ASH1L: variants seen among roughly 807,000 people sequenced by gnomAD.
ASH1L encodes histone-lysine N-methyltransferase ASH1L.
Under a neutral mutation model 269.0 loss-of-function variants are expected in ASH1L, and 23 were observed. The observed-to-expected ratio is 0.09, with a 90% CI of 0.06 to 0.12. The LOEUF (loss-of-function observed/expected upper bound fraction) is 0.12. Ranked by LOEUF, ASH1L falls within the 10% of genes least tolerant of loss-of-function variation. ASH1L has a pLI of 1.00. For synonymous variants in ASH1L, 1,187 were observed against 1,253.5 expected, an observed-to-expected ratio of 0.95 and a Z score of 1.12; for missense variants, 2,912 against 3,567.8, an observed-to-expected ratio of 0.82 and a Z score of 4.68.
Position 155,358,482 on chromosome 1 carries a change from G to A in ASH1L, c.6796-733C>T, listed in dbSNP as rs182497153. ...GGGCGGATCACAAGGTCAGCAGATCGAGACCATCCTGGCTAACATGGTAAA... is the reference window on the plus strand; with the variant it reads ...GGGCGGATCACAAGGTCAGCAGATCAAGACCATCCTGGCTAACATGGTAAA... On this transcript the variant is annotated intron_variant, in intron 13 of 27. Transcript: ENST00000392403. 1.6e-4 allele frequency among the ~76,000 whole-genome samples: 24 copies of A among 151,932 alleles called. No homozygotes were observed. In the East Asian group the frequency reaches 4.5e-3, roughly 28 times the overall value.
rs374652065 is a variant in ASH1L at position 155,478,883 on chromosome 1, T to C, written c.3987A>G (p.Thr1329=). The part of the protein sequence containing the change: ...IFRINFNSFY[T]HPSFPLDPLH... ...AAGGGTCTAAGGGGAAAGAAGGATGTGTATAGAAACTATTAAAGTTGATTC... is the reference window on the plus strand; with the variant it reads ...AAGGGTCTAAGGGGAAAGAAGGATGCGTATAGAAACTATTAAAGTTGATTC... The change falls in exon 3 of 28, where the codon ACA becomes ACG. Residue 1329 remains threonine (T), a synonymous_variant. Transcript: ENST00000392403. The surrounding 1 kb of genome is among the most constrained non-coding windows in gnomAD (Gnocchi z 4.6). 1.5e-4 allele frequency: 235 copies of C among 1,614,036 alleles called. No homozygotes were observed. The highest frequency in any genetic ancestry group is 4.8e-4 in the Admixed American group (29 of 60,010).
chr1:155,551,627 T>C lies in ASH1L; in HGVS notation c.-100+10526A>G, dbSNP rs1213422777. Among the ~76,000 whole-genome samples the C allele has an allele frequency of 2.7e-4, 34 of 126,260 alleles. No individual in the cohort carries two copies. The East Asian group carries it at 7.1e-3, about 26-fold the overall frequency. 82.8% of individuals were successfully genotyped at this position (126,260 alleles called of 152,430 possible). On this transcript the variant is annotated intron_variant, in intron 1 of 27. Transcript: ENST00000392403. Reference sequence around the variant, plus strand: ...GTGAGCCGAGATCCCGCCACTGCACTCCAGCCTGGGCGACAGAGCGAGACT... The same window carrying C: ...GTGAGCCGAGATCCCGCCACTGCACCCCAGCCTGGGCGACAGAGCGAGACT...
intron 5 of ASH1L, among the ~76,000 whole-genome samples, chr1:155,424,444 G>A (rs1258175587): frequency 6.6e-6 from 1 of 150,886 alleles, no homozygotes. Flanking sequence ...TTTCGCTCTT[G>A]TTGTCCACGC....
At chr1:155,468,005 T>C (rs1469495526) in intron 3 of ASH1L, among the ~76,000 whole-genome samples, 1 of 152,140 alleles carries the variant, frequency 6.6e-6, no homozygotes, top group Non-Finnish European at 1.5e-5. Context: ...AATATTGGAA[T>C]AATACTATTA....
intron 5 of ASH1L, among the ~76,000 whole-genome samples, chr1:155,418,426 A>G (rs559285831): frequency 1.3e-5 from 2 of 152,242 alleles, no homozygotes; most frequent in South Asian, 4.1e-4. Context: ...ACTTGAAGAC[A>G]GCAATAGAAA....
Position 155,562,342 on chromosome 1 carries a change from G to T in ASH1L, c.-289C>A. ...AGAAGGGAAAGGTGGAAGGCTAAAG[G>T]GGGCAAACTGAGGGGAGGCGGGTCC... On this transcript the variant is annotated 5_prime_UTR_variant, in exon 1 of 28. Transcript: ENST00000392403. 6.4e-7 allele frequency: 1 copy of T among 1,552,212 alleles called. No individual in the cohort carries two copies. The highest frequency in any genetic ancestry group is 2.3e-5 in the East Asian group (1 of 43,218).
chr1:155,479,202 CTCT>C lies in ASH1L; in HGVS notation c.3665_3667del (p.Lys1222del). ...AGAAACATGCTCAAAAGAATGCCTC[CTCT>C]TTTTTTGCCCACAAAATTTCTCTGC... On this transcript the variant is annotated inframe_deletion, in exon 3 of 28. Transcript: ENST00000392403. 6.2e-7 allele frequency: 1 copy of C among 1,614,116 alleles called. No individual in the cohort carries two copies. Among genetic ancestry groups the C allele is most frequent in the Non-Finnish European group, 8.5e-7 (1 of 1,180,020 alleles).
intron 7 of ASH1L, among the ~76,000 whole-genome samples, chr1:155,381,460 G>T (rs1656934757): frequency 1.3e-5 from 2 of 152,178 alleles, no homozygotes; most frequent in African/African-American, 4.8e-5. Context: ...TGAGGCAGGA[G>T]AATTGCTTGA....
chr1:155,502,623 T>C (rs999691467), intron 2 of ASH1L, among the ~76,000 whole-genome samples: 1 of 152,178 alleles, frequency 6.6e-6, no homozygotes, highest in Non-Finnish European at 1.5e-5. Context: ...TTATACAATG[T>C]GCTATATGTT....
At chr1:155,408,633 T>C (rs1659508267) in intron 6 of ASH1L, among the ~76,000 whole-genome samples, 1 of 152,156 alleles carries the variant, frequency 6.6e-6, no homozygotes, top group Non-Finnish European at 1.5e-5. Flanking sequence ...TGAAGACATG[T>C]ATAAAGGAAA....
Position 155,480,173 on chromosome 1 carries a change from T to G in ASH1L, c.2697A>C (p.Ser899=). The G allele has an allele frequency of 6.2e-7, 1 of 1,614,132 alleles. No individual in the cohort carries two copies. Among genetic ancestry groups the G allele is most frequent in the Non-Finnish European group, 8.5e-7 (1 of 1,179,980 alleles). ...KRGRPKRQMR[S]PVKMKPPVLS... ...GTACAGGTGGCTTCATCTTGACTGGTGACCTCATTTGCCTCTTAGGCCTGC... is the reference window on the plus strand; with the variant it reads ...GTACAGGTGGCTTCATCTTGACTGGGGACCTCATTTGCCTCTTAGGCCTGC... The change falls in exon 3 of 28, where the codon TCA becomes TCC. Residue 899 remains serine (S), a synonymous_variant. Transcript: ENST00000392403.
In ASH1L at chr1:155,342,101, C is replaced by T. The variant is rs1487703902; in HGVS notation, c.8295G>A (p.Gly2765=). 6.2e-7 allele frequency: 1 copy of T among 1,614,014 alleles called. No homozygotes were observed. Among genetic ancestry groups the T allele is most frequent in the Non-Finnish European group, 8.5e-7 (1 of 1,179,908 alleles). Residue 2765 remains glycine, a splice_region_variant and synonymous_variant, in exon 25 of 28, where the codon GGG becomes GGA. Coordinates refer to ENST00000392403, the MANE Select transcript of ASH1L (RefSeq NM_018489.3). Reference sequence around the variant, plus strand: ...CTTGCTCCTTTACTCCTTTGGGTCTCCCTATGGGTCCAACCAGTGTTAAGG... The same window carrying T: ...CTTGCTCCTTTACTCCTTTGGGTCTTCCTATGGGTCCAACCAGTGTTAAGG... ...CVLDLYTYCK[G]RPKGVKEQDV...
chr1:155,341,395 C>G (rs1652796992), intron 25 of ASH1L, among the ~76,000 whole-genome samples: 1 of 152,134 alleles, frequency 6.6e-6, no homozygotes. Flanking sequence ...CCAGGATGGT[C>G]TTGATCTCCT....
chr1:155,437,029 C>T (rs1389711504), intron 5 of ASH1L, among the ~76,000 whole-genome samples: 2 of 152,146 alleles, frequency 1.3e-5, no homozygotes, highest in South Asian at 2.1e-4. Context: ...TATTCTACTT[C>T]GCTGGTCTAT....
At chr1:155,407,763 A>G (rs115870211) in intron 6 of ASH1L, among the ~76,000 whole-genome samples, 3,118 of 152,274 alleles carry the variant, frequency 0.02, 103 homozygotes, top group African/African-American at 0.072. Flanking sequence ...ATACTACAAC[A>G]TGCATGAAAC....
intron 2 of ASH1L, among the ~76,000 whole-genome samples, chr1:155,517,818 T>TG (rs1668597221): frequency 7.3e-6 from 1 of 136,812 alleles, no homozygotes; most frequent in Non-Finnish European, 1.6e-5. Context: ...TTTTTTTTTT[T>TG]GAGACGGAGT....
At chr1:155,558,050 T>C (rs1020136347) in intron 1 of ASH1L, among the ~76,000 whole-genome samples, 2 of 152,240 alleles carry the variant, frequency 1.3e-5, no homozygotes, top group African/African-American at 2.4e-5. Context: ...CACTGTGTGC[T>C]TCCACATTGT....
intron 1 of ASH1L, among the ~76,000 whole-genome samples, chr1:155,551,959 G>C (rs1671247939): frequency 6.6e-6 from 1 of 151,506 alleles, no homozygotes; most frequent in Admixed American, 6.6e-5. Context: ...CTGGGCGAAA[G>C]GTTGAGACTC....
At chr1:155,393,102 G>C (rs559941408) in intron 7 of ASH1L, among the ~76,000 whole-genome samples, 14 of 152,260 alleles carry the variant, frequency 9.2e-5, no homozygotes, top group African/African-American at 3.4e-4. Flanking sequence ...AAAGAGCTTT[G>C]GCACTAATCC....
Sources: allele counts gnomAD v4.1 joint callset (sites outside exome capture counted in the v4.1 genomes callset), GRCh38; gene constraint gnomAD v4.1.1; non-coding constraint Gnocchi (gnomAD v3.1); transcripts MANE v1.5; gene names NCBI Gene and HGNC (gene_info 2026-07-23, HGNC 2026-07-21).